PDE3B: variants seen among roughly 807,000 people sequenced by gnomAD.
The protein encoded by PDE3B is phosphodiesterase 3B.
PDE3B carries 66 observed loss-of-function variants against 116.8 expected under a neutral mutation model. That is an observed-to-expected ratio of 0.56 (90% CI 0.46 to 0.69). PDE3B has a LOEUF of 0.69. Ranked by LOEUF, PDE3B falls within the 30% of genes least tolerant of loss-of-function variation. The probability of loss-of-function intolerance (pLI) is 0.00; values close to 1 mark genes in which losing one functional copy is unlikely to be tolerated. For missense variants in PDE3B, 1,384 were observed against 1,368.1 expected, an observed-to-expected ratio of 1.01 and a Z score of -0.18; for synonymous variants, 595 against 533.6, an observed-to-expected ratio of 1.12 and a Z score of -1.59.
intron 4 of PDE3B, among the ~76,000 whole-genome samples, chr11:14,799,814 ATTT>A (rs1858688578): frequency 1.2e-5 from 1 of 80,426 alleles, no homozygotes; most frequent in East Asian, 3.5e-4. Context: ...CCATCACTTT[ATTT>A]TGAGCCTGAT....
intron 1 of PDE3B, among the ~76,000 whole-genome samples, chr11:14,688,716 A>G (rs73412619): frequency 6.6e-6 from 1 of 151,806 alleles, no homozygotes; most frequent in Non-Finnish European, 1.5e-5. Context: ...GATTCCAGAT[A>G]AGTTATTACA....
intron 1 of PDE3B, among the ~76,000 whole-genome samples, chr11:14,655,902 A>G (rs564169920): frequency 2.0e-5 from 3 of 152,320 alleles, no homozygotes; most frequent in African/African-American, 7.2e-5. Flanking sequence ...AGAGTAATGT[A>G]TGGAAGATAT....
At chr11:14,796,485 A>G (rs1227308656) in intron 4 of PDE3B, among the ~76,000 whole-genome samples, 1 of 152,202 alleles carries the variant, frequency 6.6e-6, no homozygotes, top group African/African-American at 2.4e-5. Flanking sequence ...ACACTCACCA[A>G]CAGTGTAAAA....
the PDE3B span, among the ~76,000 whole-genome samples, chr11:14,896,129 C>T: frequency 7.2e-5 from 11 of 152,218 alleles, no homozygotes; most frequent in Non-Finnish European, 1.6e-4. Flanking sequence ...TTCCTCCCAT[C>T]CAGCTACCCA....
At chr11:14,710,410 C>T (rs371822846) in intron 1 of PDE3B, among the ~76,000 whole-genome samples, 29 of 152,178 alleles carry the variant, frequency 1.9e-4, no homozygotes, top group Admixed American at 4.6e-4. Flanking sequence ...CCACCAACCA[C>T]GAGAGAGGTG....
rs531867942 is a variant in PDE3B at position 14,803,523 on chromosome 11, T to C, written c.1416-421T>C. Among the ~76,000 whole-genome samples, 85 of 152,320 alleles carry C rather than the reference T, an allele frequency of 5.6e-4. 1 individual carries two copies. Among genetic ancestry groups the C allele is most frequent in the African/African-American group, 1.9e-3 (81 of 41,574 alleles). ...CCCAAGACTTAGTGAATCAGAAACC[T>C]TGGGGACGAGACCAGCAGCCTATGT... is the stretch of plus-strand genomic sequence containing the variant. On this transcript the variant is annotated intron_variant, in intron 4 of 15. Transcript: ENST00000282096.
intron 13 of PDE3B, among the ~76,000 whole-genome samples, chr11:14,860,300 T>A (rs1282134952): frequency 6.6e-6 from 1 of 152,112 alleles, no homozygotes; most frequent in Admixed American, 6.5e-5. Context: ...TGAATGGGGC[T>A]CTAGACTTCC....
chr11:14,880,748 CAT>C, the PDE3B span: 1 of 1,607,984 alleles, frequency 6.2e-7, no homozygotes, highest in Non-Finnish European at 8.5e-7. Flanking sequence ...CATCCTCGGC[CAT>C]ATCTGGAATT....
At chr11:14,663,872 A>G (rs1854025185) in intron 1 of PDE3B, among the ~76,000 whole-genome samples, 1 of 152,234 alleles carries the variant, frequency 6.6e-6, no homozygotes, top group Non-Finnish European at 1.5e-5. Flanking sequence ...CAGAAAGTTA[A>G]CAAGGATACC....
chr11:14,670,486 A>G (rs1854329015), intron 1 of PDE3B, among the ~76,000 whole-genome samples: 1 of 152,144 alleles, frequency 6.6e-6, no homozygotes, highest in African/African-American at 2.4e-5. Context: ...CAGAATCAGG[A>G]GTAATGTGTA....
At chr11:14,673,267 T>G (rs1854427716) in intron 1 of PDE3B, among the ~76,000 whole-genome samples, 1 of 151,930 alleles carries the variant, frequency 6.6e-6, no homozygotes, top group African/African-American at 2.4e-5. Flanking sequence ...AGCATTAACA[T>G]GTATTATAAA....
chr11:14,757,440 T>C (rs1425520128), intron 1 of PDE3B, among the ~76,000 whole-genome samples: 2 of 151,506 alleles, frequency 1.3e-5, no homozygotes, highest in African/African-American at 4.9e-5. Flanking sequence ...GTGTTCCTAT[T>C]TCTCCACATC....
At position 14,832,722 on chromosome 11, in the gene PDE3B, G is replaced by T; in HGVS notation, c.2095G>T (p.Val699Phe). 1.9e-6 allele frequency: 2 copies of T among 1,077,534 alleles called. No individual in the cohort carries two copies. Among genetic ancestry groups the T allele is most frequent in the Non-Finnish European group, 2.8e-6 (2 of 725,778 alleles). The allele number at this position is 1,077,534 out of a possible 1,614,324, so 66.7% of individuals were successfully genotyped here. ...GEKSGRILSQVMYTLFQDTGL... is the reference protein window; with the variant it reads ...GEKSGRILSQFMYTLFQDTGL... ...AAACTTTATTTTAATTGACATTTAG[G>T]TTATGTATACCTTATTTCAAGACAC... Residue 699 changes from valine to phenylalanine, a missense_variant and splice_region_variant, in exon 10 of 16, where the codon GTT becomes TTT. Physicochemically the swap from Val to Phe is conservative, Grantham distance 50 (BLOSUM62 -1). Coordinates refer to ENST00000282096, the MANE Select transcript of PDE3B (RefSeq NM_000922.4).
chr11:14,666,125 G>A (rs534129288), intron 1 of PDE3B, among the ~76,000 whole-genome samples: 39 of 149,000 alleles, frequency 2.6e-4, no homozygotes, highest in South Asian at 2.6e-3. Flanking sequence ...CAGAAATAAC[G>A]CCGCATATCT....
intron 1 of PDE3B, among the ~76,000 whole-genome samples, chr11:14,718,430 A>T (rs1038776414): frequency 8.8e-5 from 13 of 147,188 alleles, no homozygotes; most frequent in South Asian, 4.6e-4. Flanking sequence ...CCTAATAGAC[A>T]TCTACAGAAC....
At chr11:14,721,621 C>G (rs866766167) in intron 1 of PDE3B, among the ~76,000 whole-genome samples, 217 of 145,316 alleles carry the variant, frequency 1.5e-3, no homozygotes, top group South Asian at 5.8e-3. Context: ...CATGTCCTTT[C>G]TAGGGACATG....
At position 14,757,943 on chromosome 11, in the gene PDE3B, C is replaced by T. The variant is rs1381126540; in HGVS notation, c.979-13994C>T. Among the ~76,000 whole-genome samples, 363 of 150,970 alleles carry T rather than the reference C, an allele frequency of 2.4e-3. 2 individuals carry two copies. Among genetic ancestry groups the T allele is most frequent in the African/African-American group, 8.5e-3 (348 of 41,046 alleles). On this transcript the variant is annotated intron_variant, in intron 1 of 15. Transcript: ENST00000282096. ...AGGGTTTTTATGGTTTTAGGTCTAA[C>T]GTTTAAATCTTTAATCCATCTTGAA...
chr11:14,822,304 G>C (rs1331717091), intron 7 of PDE3B, among the ~76,000 whole-genome samples: 1 of 152,150 alleles, frequency 6.6e-6, no homozygotes, highest in Non-Finnish European at 1.5e-5. Context: ...AAAATAAGAG[G>C]CTGGCCAAAA....
intron 12 of PDE3B, 117 bp downstream of exon 12, chr11:14,844,143 C>T (rs890642592): frequency 9.5e-5 from 67 of 702,152 alleles, no homozygotes; most frequent in Admixed American, 1.7e-4. Context: ...ACTTTAATAC[C>T]CTACATTTTA....
Sources: allele counts gnomAD v4.1 joint callset (sites outside exome capture counted in the v4.1 genomes callset), GRCh38; gene constraint gnomAD v4.1.1; transcripts MANE v1.5; gene names NCBI Gene and HGNC (gene_info 2026-07-23, HGNC 2026-07-21).